Variants in MAP3K15 observed in about 807,000 individuals in gnomAD.
MAP3K15 encodes the protein mitogen-activated protein kinase kinase kinase 15, also known as MAPK/ERK kinase kinase 15.
In MAP3K15, 124 loss-of-function variants were observed where a neutral mutation model predicts 99.5. That is an observed-to-expected ratio of 1.25 (90% CI 1.08 to 1.45). MAP3K15 has a LOEUF of 1.45. Among genes scored for constraint, MAP3K15 ranks in the 40% most tolerant of loss-of-function variants. MAP3K15 has a pLI of 0.00. For missense variants in MAP3K15, 1,242 were observed against 1,079.7 expected, an observed-to-expected ratio of 1.15 and a Z score of -2.11; for synonymous variants, 494 against 439.6, an observed-to-expected ratio of 1.12 and a Z score of -1.55.
At chrX:19,387,725 T>C (rs1362554471) in intron 18 of MAP3K15, among the ~76,000 whole-genome samples, 1 of 111,625 alleles carries the variant, frequency 9.0e-6, no homozygotes, top group African/African-American at 3.3e-5. Context: ...GAACCTATTC[T>C]GGTTCCAGGG....
intron 16 of MAP3K15, 38 bp downstream of exon 16, chrX:19,395,043 T>A: frequency 8.4e-7 from 1 of 1,191,939 alleles, no homozygotes; most frequent in Non-Finnish European, 1.1e-6. Context: ...GTCGTAGTGA[T>A]TTTCAGAATG....
chrX:19,385,402 T>C (rs1269522920), intron 18 of MAP3K15, among the ~76,000 whole-genome samples: 1 of 111,698 alleles, frequency 9.0e-6, no homozygotes, highest in East Asian at 2.8e-4. Context: ...TATGACCTAG[T>C]GTCCAGGTCA....
chrX:19,443,405 G>A (rs1188935880), intron 6 of MAP3K15, among the ~76,000 whole-genome samples: 3 of 111,651 alleles, frequency 2.7e-5, no homozygotes, highest in Admixed American at 9.5e-5. Context: ...CTATATCACG[G>A]CCTAGTATAC....
At chrX:19,477,538 C>T (rs1288670768) in intron 3 of MAP3K15, among the ~76,000 whole-genome samples, 1 of 106,490 alleles carries the variant, frequency 9.4e-6, no homozygotes, top group African/African-American at 3.4e-5. Context: ...GGTTAAACCC[C>T]ATCTCTACTA....
In MAP3K15 at chrX:19,475,824, G is replaced by A. The variant is rs758320616; in HGVS notation, c.525+10658C>T. Among the ~76,000 whole-genome samples the A allele has an allele frequency of 8.0e-5, 9 of 112,087 alleles. No individual in the cohort carries two copies. In the South Asian group the frequency reaches 1.5e-3, roughly 19 times the overall value. ...TACGCAATACCTGTGGACTATGTAC[G>A]CTAATGGCAAACTACTAAAAAATTC... On this transcript the variant is annotated intron_variant, in intron 3 of 28. Coordinates refer to ENST00000338883, the MANE Select transcript of MAP3K15 (RefSeq NM_001001671.4).
At chrX:19,506,754 C>T (rs1156737282) in intron 1 of MAP3K15, among the ~76,000 whole-genome samples, 3 of 111,655 alleles carry the variant, frequency 2.7e-5, no homozygotes, top group Non-Finnish European at 5.6e-5. Flanking sequence ...TAACTCCTGA[C>T]CTCCAATGAT....
chrX:19,362,868 A>T lies in MAP3K15; in HGVS notation c.3567-18T>A, dbSNP rs759244975. ...CCAAAAGTCTGGTTTAAAAAAAAAAAAAAAAAGCCATTATCCAGAGAGCAT... is the reference window on the plus strand; with the variant it reads ...CCAAAAGTCTGGTTTAAAAAAAAAATAAAAAAGCCATTATCCAGAGAGCAT... On this transcript the variant is annotated intron_variant, in intron 25 of 28. Coordinates refer to ENST00000338883, the MANE Select transcript of MAP3K15 (RefSeq NM_001001671.4). The T allele has an allele frequency of 1.0e-6, 1 of 961,991 alleles. No homozygotes were observed. The highest frequency in any genetic ancestry group is 1.5e-6 in the Non-Finnish European group (1 of 686,346). 79.3% of individuals were successfully genotyped at this position (961,991 alleles called of 1,213,427 possible).
chrX:19,464,536 A>G (rs1258437340), intron 3 of MAP3K15, 130 bp from the exon 4 acceptor site: 1 of 473,038 alleles, frequency 2.1e-6, no homozygotes, highest in Non-Finnish European at 3.5e-6. Flanking sequence ...CAATACGACT[A>G]TGGATCTATT....
At chrX:19,419,263 G>C (rs1486763246) in intron 9 of MAP3K15, among the ~76,000 whole-genome samples, 45 of 111,227 alleles carry the variant, frequency 4.0e-4, no homozygotes, top group African/African-American at 1.2e-3. Flanking sequence ...AAAGAGTCAA[G>C]ACCCATCAGT....
At chrX:19,494,751 G>T (rs2064389470) in intron 1 of MAP3K15, among the ~76,000 whole-genome samples, 1 of 110,220 alleles carries the variant, frequency 9.1e-6, no homozygotes, top group Non-Finnish European at 1.9e-5. Context: ...AAGAAATTAT[G>T]AAAGTAAGTA....
chrX:19,501,002 G>C (rs961292940), intron 1 of MAP3K15, among the ~76,000 whole-genome samples: 1 of 111,902 alleles, frequency 8.9e-6, no homozygotes, highest in Non-Finnish European at 1.9e-5. Flanking sequence ...CATAACTAAC[G>C]TGAGGAAAGT....
intron 9 of MAP3K15, among the ~76,000 whole-genome samples, chrX:19,423,336 C>T (rs1482793792): frequency 9.4e-6 from 1 of 106,384 alleles, no homozygotes; most frequent in African/African-American, 3.4e-5. Context: ...ATCCCACCCC[C>T]TCCCTTACTT....
At chrX:19,439,857 T>C (rs186252106) in intron 6 of MAP3K15, among the ~76,000 whole-genome samples, 3 of 112,001 alleles carry the variant, frequency 2.7e-5, no homozygotes, top group East Asian at 5.6e-4. Flanking sequence ...ACTGGGGCAA[T>C]CACTGGGGTC....
intron 18 of MAP3K15, among the ~76,000 whole-genome samples, chrX:19,382,908 T>C (rs748980483): frequency 8.9e-6 from 1 of 112,222 alleles, no homozygotes; most frequent in Admixed American, 9.5e-5. Context: ...GGGACTCTGC[T>C]TCGCCTGCAG....
chrX:19,388,913 G>C (rs945304902), intron 18 of MAP3K15, among the ~76,000 whole-genome samples: 5 of 112,069 alleles, frequency 4.5e-5, no homozygotes, highest in African/African-American at 1.6e-4. Context: ...CTGGTAAACG[G>C]ATGAACAAAA....
chrX:19,429,712 G>A (rs907196974), intron 7 of MAP3K15, among the ~76,000 whole-genome samples: 1 of 99,002 alleles, frequency 1.0e-5, no homozygotes, highest in Non-Finnish European at 2.0e-5. Context: ...AAGTAAGTGT[G>A]GATGGAGAGA....
chrX:19,376,847 C>A (rs1239597112), intron 19 of MAP3K15: 1 of 109,403 alleles, frequency 9.1e-6, no homozygotes, highest in East Asian at 2.9e-4. Context: ...TCCTTCCCCA[C>A]TCCCACTGTT....
intron 25 of MAP3K15, among the ~76,000 whole-genome samples, chrX:19,364,893 CA>C (rs781622051): frequency 0.022 from 834 of 38,453 alleles, 16 homozygotes; most frequent in Admixed American, 0.13. Flanking sequence ...AACTCTGTCT[CA>C]AAAAAAAAAA....
At chrX:19,388,129 G>A (rs752205853) in intron 18 of MAP3K15, among the ~76,000 whole-genome samples, 1 of 112,362 alleles carries the variant, frequency 8.9e-6, no homozygotes, top group Non-Finnish European at 1.9e-5. Flanking sequence ...TTTTGAATGA[G>A]GACCAGAGCG....
Sources: gnomAD v4.1 joint callset for allele counts (sites outside exome capture counted in the v4.1 genomes callset) on GRCh38, gnomAD v4.1.1 for gene constraint, MANE v1.5 for transcripts, NCBI Gene and HGNC (gene_info 2026-07-23, HGNC 2026-07-21) for gene names.